CPLANE1: variants seen among roughly 807,000 people sequenced by gnomAD.
CPLANE1 encodes ciliogenesis and planar polarity effector 1.
A neutral mutation model predicts 362.5 loss-of-function variants in CPLANE1; 263 were observed. The observed-to-expected ratio is 0.73, with a 90% CI of 0.66 to 0.80. The LOEUF (loss-of-function observed/expected upper bound fraction) is 0.80. Ranked by LOEUF, CPLANE1 falls within the 30% of genes least tolerant of loss-of-function variation. CPLANE1 has a pLI of 0.00. For missense variants in CPLANE1, 3,461 were observed against 3,793.4 expected (o/e 0.91, Z 2.30); for synonymous variants, 1,212 against 1,302.6 (o/e 0.93, Z 1.50).
Position 37,172,978 on chromosome 5 carries a change from C to T in CPLANE1, c.6171+777G>A, listed in dbSNP as rs374181788. Among the ~76,000 whole-genome samples, 81 of 151,656 alleles carry T rather than the reference C, an allele frequency of 5.3e-4. No individual in the cohort carries two copies. The South Asian group carries it at 0.012, about 23-fold the overall frequency. ...CAGCCTGGGCAACAGAGTGAGACTC[C>T]GTCTCAAAAAATAAAAATATAAAAA... On this transcript the variant is annotated intron_variant, in intron 32 of 52. Transcript: ENST00000651892.
At position 37,157,834 on chromosome 5, in the gene CPLANE1, T is replaced by C. The variant is rs1389123799; in HGVS notation, c.7847A>G (p.Glu2616Gly). Residue 2616 changes from glutamate (E) to glycine (G), a missense_variant, in exon 40 of 53, where the codon GAA becomes GGA. By Grantham distance (98) the Glu-to-Gly change is moderately conservative. Coordinates refer to ENST00000651892, the MANE Select transcript of CPLANE1 (RefSeq NM_001384732.1). ...TAATTCCTGTAGAAGATCATTAGCT[T>C]CAATGTCAATCACATTTATATAAGT... is the stretch of plus-strand genomic sequence containing the variant. ...GHTYINVIDI[E>G]ANDLLQELPV... 1 of 1,599,976 alleles carries C rather than the reference T, an allele frequency of 6.3e-7. No homozygotes were observed.
At chr5:37,236,401 C>A (rs1308129502) in intron 8 of CPLANE1, among the ~76,000 whole-genome samples, 2 of 152,008 alleles carry the variant, frequency 1.3e-5, no homozygotes, top group Non-Finnish European at 2.9e-5. Flanking sequence ...TGGACCCATA[C>A]CTCTCATCAT....
At chr5:37,077,456 C>T in the CPLANE1 span, among the ~76,000 whole-genome samples, 1 of 152,068 alleles carries the variant, frequency 6.6e-6, no homozygotes, top group Admixed American at 6.5e-5. Flanking sequence ...AATCTTTCAT[C>T]TAGAATTGTC....
At position 37,184,862 on chromosome 5, in the gene CPLANE1, C is replaced by G. The variant is rs762430333; in HGVS notation, c.4407G>C (p.Val1469=). Residue 1469 remains valine (V), a synonymous_variant, in exon 25 of 53, where the codon GTG becomes GTC. Transcript: ENST00000651892. ...AGAACGTATCTGCATCACTGTGAAC[C>G]ACAGAATCTCCTAGTTCTGTGAGTG... is the stretch of plus-strand genomic sequence containing the variant. ...RSTLTELGDS[V]VHSDADTFSE... The G allele has an allele frequency of 1.2e-6, 2 of 1,614,080 alleles. No homozygotes were observed. Among genetic ancestry groups the G allele is most frequent in the East Asian group, 4.5e-5 (2 of 44,864 alleles).
At position 37,138,733 on chromosome 5, in the gene CPLANE1, T is replaced by C. The variant is rs143626904; in HGVS notation, c.8779A>G (p.Met2927Val). 3.1e-4 allele frequency: 495 copies of C among 1,610,410 alleles called. 3 individuals carry two copies. In the African/African-American group the frequency reaches 5.8e-3, roughly 19 times the overall value. The stretch of plus-strand genomic sequence containing the variant: ...TTCAATGATTACCTGGAGGTGCCCA[T>C]AGCTTGTTCTGTTAAGCCAAGTTCT... ...SEELGLTEQA[M>V]GTSRIQHYSG... The change falls in exon 46 of 53, where the codon ATG (methionine) becomes GTG (valine). Residue 2927 changes from methionine to valine, a missense_variant. Physicochemically the swap from Met to Val is conservative, Grantham distance 21 (BLOSUM62 1). Around this residue, in one of 2 missense-constraint regions of CPLANE1, gnomAD observed 3,380 missense variants for 3,666.1 expected, o/e 0.92. Transcript: ENST00000651892.
At chr5:37,140,650 C>T (rs1037026428) in intron 44 of CPLANE1, 19 of 985,206 alleles carry the variant, frequency 1.9e-5, no homozygotes, top group South Asian at 4.7e-5. Flanking sequence ...CTTCCAATAA[C>T]GACTGGGCTG....
rs776510943 is a variant in CPLANE1 at position 37,125,281 on chromosome 5, C to T, written c.8921G>A (p.Gly2974Glu). 3 of 1,613,860 alleles carry T rather than the reference C, an allele frequency of 1.9e-6. No homozygotes were observed. Among genetic ancestry groups the T allele is most frequent in the Non-Finnish European group, 2.5e-6 (3 of 1,179,952 alleles). The change falls in exon 47 of 53, where the codon GGG (glycine) becomes GAG (glutamate). Residue 2974 changes from glycine to glutamate, a missense_variant. By Grantham distance (98) the Gly-to-Glu change is moderately conservative. This residue lies in a region of CPLANE1 where 3,380 missense variants were observed against 3,666.1 expected (regional missense o/e 0.92). Coordinates refer to ENST00000651892, the MANE Select transcript of CPLANE1 (RefSeq NM_001384732.1). ...GGGACAGAAAGGATCATGTTCTTGCCCTCTCTTTTCTGCCAGCTCATTTAA... is the reference window on the plus strand; with the variant it reads ...GGGACAGAAAGGATCATGTTCTTGCTCTCTCTTTTCTGCCAGCTCATTTAA... ...KYLNELAEKR[G>E]QEHDPFCPRS... is the part of the protein sequence containing the mutation.
Position 37,138,936 on chromosome 5 carries a change from A to G in CPLANE1, c.8664-88T>C. On this transcript the variant is annotated intron_variant, in intron 45 of 52. Coordinates refer to ENST00000651892, the MANE Select transcript of CPLANE1 (RefSeq NM_001384732.1). ...AAAAATAAACATGTAACAAATGAAC[A>G]CAAAATGATAAACATATATCTACTG... 20 of 1,159,848 alleles carry G rather than the reference A, an allele frequency of 1.7e-5. 1 individual carries two copies. In the South Asian group the frequency reaches 2.8e-4, roughly 16 times the overall value. The allele number at this position is 1,159,848 out of a possible 1,614,324, so 71.8% of individuals were successfully genotyped here. A position where few individuals can be genotyped will look rare whatever the true frequency, so the allele number is the denominator to read the frequency against.
At position 37,196,885 on chromosome 5, in the gene CPLANE1, A is replaced by C. The variant is rs557209628; in HGVS notation, c.3673-889T>G. ...GGTTGCGGTGAGCCGAGACCATGCC[A>C]CTGCACCCAGCCTGGGCGACAGAGT... is the stretch of plus-strand genomic sequence containing the variant. On this transcript the variant is annotated intron_variant, in intron 20 of 52. Coordinates refer to ENST00000651892, the MANE Select transcript of CPLANE1 (RefSeq NM_001384732.1). Among the ~76,000 whole-genome samples, 23 of 152,190 alleles carry C rather than the reference A, an allele frequency of 1.5e-4. No individual in the cohort carries two copies. The East Asian group carries it at 4.1e-3, about 27-fold the overall frequency.
chr5:37,092,409 A>G, the CPLANE1 span, among the ~76,000 whole-genome samples: 1 of 152,244 alleles, frequency 6.6e-6, no homozygotes. Context: ...CAGGTAATGC[A>G]ATCAATGCCA....
rs186791844 is a variant in CPLANE1 at position 37,172,309 on chromosome 5, C to A, written c.6171+1446G>T. Among the ~76,000 whole-genome samples, 111 of 152,230 alleles carry A rather than the reference C, an allele frequency of 7.3e-4. No homozygotes were observed. The Middle Eastern group carries it at 0.01, about 14-fold the overall frequency. On this transcript the variant is annotated intron_variant, in intron 32 of 52. Coordinates refer to ENST00000651892, the MANE Select transcript of CPLANE1 (RefSeq NM_001384732.1). ...ACTAAGAATCTAAGGTTAGCCACTG[C>A]TATAGAAATAGCAAGTGGCTATTAC...
chr5:37,140,145 A>G (rs1371036864), intron 44 of CPLANE1: 5 of 876,524 alleles, frequency 5.7e-6, no homozygotes, highest in African/African-American at 5.4e-5. Context: ...TCAGTCTTCT[A>G]TATGTTTCAT....
intron 52 of CPLANE1, 33 bp from the exon 53 acceptor site, chr5:37,107,811 C>A (rs978619862): frequency 2.0e-6 from 3 of 1,511,880 alleles, no homozygotes; most frequent in African/African-American, 1.4e-5. Flanking sequence ...GTGGTCCTAG[C>A]CCCTAAAAAC....
chr5:37,109,759 C>G (rs527466775), intron 51 of CPLANE1, among the ~76,000 whole-genome samples: 2 of 152,182 alleles, frequency 1.3e-5, no homozygotes, highest in Admixed American at 6.6e-5. Context: ...CGGATTCAAG[C>G]GAGTCTCCTG....
intron 43 of CPLANE1, among the ~76,000 whole-genome samples, chr5:37,146,510 A>G (rs1771643985): frequency 6.6e-6 from 1 of 152,164 alleles, no homozygotes; most frequent in African/African-American, 2.4e-5. Flanking sequence ...GACAATTGGC[A>G]ACATTTGAAC....
Position 37,106,733 on chromosome 5 carries a change from C to T in CPLANE1, c.*869G>A. On this transcript the variant is annotated 3_prime_UTR_variant, in exon 53 of 53. Coordinates refer to ENST00000651892, the MANE Select transcript of CPLANE1 (RefSeq NM_001384732.1). ...ATACATGTTGTAAAACCTGGCTTCA[C>T]ACAGGTAGATATTTGGAAAAAGAGG... 2 of 629,792 alleles carry T rather than the reference C, an allele frequency of 3.2e-6. No individual in the cohort carries two copies. Among genetic ancestry groups the T allele is most frequent in the Non-Finnish European group, 4.0e-6 (2 of 505,488 alleles). The allele number at this position is 629,792 out of a possible 1,614,324, so 39.0% of individuals were successfully genotyped here. A position where few individuals can be genotyped will look rare whatever the true frequency, so the allele number is the denominator to read the frequency against.
intron 51 of CPLANE1, among the ~76,000 whole-genome samples, chr5:37,113,897 C>A (rs879941473): frequency 3.3e-5 from 5 of 152,192 alleles, no homozygotes; most frequent in Non-Finnish European, 5.9e-5. Context: ...ACTGCAACCT[C>A]CGCCTGCTGG....
At chr5:37,171,700 AAAT>A (rs1236812757) in intron 32 of CPLANE1, among the ~76,000 whole-genome samples, 3 of 152,088 alleles carry the variant, frequency 2.0e-5, no homozygotes, top group Admixed American at 1.3e-4. Flanking sequence ...CTACCCTCAA[AAAT>A]AATGAGCATT....
intron 21 of CPLANE1, among the ~76,000 whole-genome samples, chr5:37,188,451 T>C (rs1000666905): frequency 2.0e-5 from 3 of 152,238 alleles, no homozygotes; most frequent in Admixed American, 6.5e-5. Context: ...GAGCAAGACC[T>C]TGTCTCCTAG....
Sources: gnomAD v4.1 joint callset for allele counts (sites outside exome capture counted in the v4.1 genomes callset) on GRCh38, gnomAD v4.1.1 for gene constraint, gnomAD v4.1.1 regional missense constraint, MANE v1.5 for transcripts, NCBI Gene and HGNC (gene_info 2026-07-23, HGNC 2026-07-21) for gene names.